Variants in TTLL10 observed in about 807,000 individuals in gnomAD.
The protein encoded by TTLL10 is inactive polyglycylase TTLL10.
A neutral mutation model predicts 69.0 loss-of-function variants in TTLL10; 61 were observed. The observed-to-expected ratio is 0.88, with a 90% confidence interval of 0.72 to 1.09. The LOEUF (loss-of-function observed/expected upper bound fraction) is 1.09. TTLL10 is among the 50% of genes least tolerant of loss of function. TTLL10 has a pLI of 0.00. For synonymous variants in TTLL10, 408 were observed against 393.3 expected (o/e 1.04, Z -0.44); for missense variants, 962 against 945.9 (o/e 1.02, Z -0.22).
rs12066664 is a variant in TTLL10 at position 1,190,886 on chromosome 1, C to T, written c.1402-5714C>T. 3.5e-3 allele frequency among the ~76,000 whole-genome samples: 533 copies of T among 151,950 alleles called. 5 individuals carry two copies. The highest frequency in any genetic ancestry group is 0.012 in the African/African-American group (506 of 41,402). ...TGTCACCTAGGCTGGAGTGTAATGGCGCAATCTCAGCTCACTGCAGCCTCT... is the reference window on the plus strand; with the variant it reads ...TGTCACCTAGGCTGGAGTGTAATGGTGCAATCTCAGCTCACTGCAGCCTCT... On this transcript the variant is annotated intron_variant, in intron 13 of 15. Transcript: ENST00000379289.
In TTLL10 at chr1:1,176,270, C is replaced by T. The variant is rs112848878; in HGVS notation, c.-28+1781C>T. Reference sequence around the variant, plus strand: ...CGCTGTGCAGGTGGAGAGAGGCTGACGCTGTGCAGGTGGAGAGGCTGCTGC... The same window carrying T: ...CGCTGTGCAGGTGGAGAGAGGCTGATGCTGTGCAGGTGGAGAGGCTGCTGC... On this transcript the variant is annotated intron_variant, in intron 3 of 15. Coordinates refer to ENST00000379289, the MANE Select transcript of TTLL10 (RefSeq NM_001130045.2). The T allele has an allele frequency of 6.1e-3, 2,665 of 435,568 alleles. 32 individuals are homozygous for T. Among genetic ancestry groups the T allele is most frequent in the Non-Finnish European group, 9.3e-3 (2,004 of 214,852 alleles). The allele number at this position is 435,568 out of a possible 1,614,324, so 27.0% of individuals were successfully genotyped here.
At chr1:1,180,458 T>TCCCCC in intron 6 of TTLL10, 25 bp from the exon 7 acceptor site, 4 of 942,114 alleles carry the variant, frequency 4.2e-6, no homozygotes, top group African/African-American at 1.9e-5. Flanking sequence ...GGCCCCCAGG[T>TCCCCC]CACCCCCGCC....
rs200208314 is a variant in TTLL10, at chr1:1,180,847, G to A, written c.742G>A (p.Gly248Arg). 2.8e-3 allele frequency: 4,385 copies of A among 1,575,766 alleles called. 18 individuals carry two copies. The highest frequency in any genetic ancestry group is 3.5e-3 in the Non-Finnish European group (4,071 of 1,161,342). The change falls in exon 8 of 16, where the codon GGG becomes AGG. Residue 248 changes from glycine to arginine, a missense_variant. By Grantham distance (125) the Gly-to-Arg change is moderately radical. Coordinates refer to ENST00000379289, the MANE Select transcript of TTLL10 (RefSeq NM_001130045.2). ...AMSKASKVPG[G>R]VQARLEKDAA... ...GAGCAAGGCCAGCAAGGTGCCGGGG[G>A]GGGTCCAGGCCAGGTGAGTCTGCCC...
At chr1:1,196,761 G>A (rs1648242321) in intron 14 of TTLL10, 45 bp downstream of exon 14, 4 of 1,348,974 alleles carry the variant, frequency 3.0e-6, no homozygotes, top group Non-Finnish European at 4.2e-6. Context: ...GATGCAAGGA[G>A]GCAGGGGCCA....
At chr1:1,190,284 C>A (rs536916564) in intron 13 of TTLL10, among the ~76,000 whole-genome samples, 14 of 148,182 alleles carry the variant, frequency 9.4e-5, no homozygotes, top group Non-Finnish European at 1.8e-4. Context: ...TTCTCTAAGT[C>A]CTTATCAATT....
chr1:1,190,928 C>A (rs929536780), intron 13 of TTLL10, among the ~76,000 whole-genome samples: 1 of 150,954 alleles, frequency 6.6e-6, no homozygotes, highest in Non-Finnish European at 1.5e-5. Context: ...CGGGTTCAAG[C>A]GATTCTCCTG....
At chr1:1,179,542 G>C in intron 4 of TTLL10, 115 bp from the exon 5 acceptor site, 1 of 1,495,754 alleles carries the variant, frequency 6.7e-7, no homozygotes, top group South Asian at 1.3e-5. Context: ...CGCGGCCCAG[G>C]GTTCCGCCTG....
chr1:1,181,228 C>G lies in TTLL10; in HGVS notation c.755+368C>G, dbSNP rs1355936375. Among the ~76,000 whole-genome samples the G allele has an allele frequency of 6.6e-6, 1 of 151,912 alleles. No homozygotes were observed. Among genetic ancestry groups the G allele is most frequent in the African/African-American group, 2.4e-5 (1 of 41,338 alleles). On this transcript the variant is annotated intron_variant, in intron 8 of 15. Transcript: ENST00000379289. The surrounding 1 kb of genome is among the most constrained non-coding windows in gnomAD (Gnocchi z 4.6). ...CCCACCCACCTGTCCATCTCACAGA[C>G]CCACCCAGGTACAACCCACCTGTCA...
At chr1:1,175,769 G>A (rs1265858176) in intron 3 of TTLL10, 3 of 419,948 alleles carry the variant, frequency 7.1e-6, no homozygotes, top group Non-Finnish European at 1.4e-5. Flanking sequence ...TGTTGTGCAG[G>A]TGGAGAGGCT....
rs188243847 is a variant in TTLL10, at chr1:1,186,574, C to G, written c.1401+1465C>G. ...TACCCAGGAATGGAGTCGTGGGTCACAGGGTGACACACTTAACTTTCTGAG... is the reference window on the plus strand; with the variant it reads ...TACCCAGGAATGGAGTCGTGGGTCAGAGGGTGACACACTTAACTTTCTGAG... On this transcript the variant is annotated intron_variant, in intron 13 of 15. Coordinates refer to ENST00000379289, the MANE Select transcript of TTLL10 (RefSeq NM_001130045.2). 1.4e-3 allele frequency among the ~76,000 whole-genome samples: 207 copies of G among 152,268 alleles called. 1 individual carries two copies. The highest frequency in any genetic ancestry group is 2.5e-3 in the Admixed American group (38 of 15,296).
intron 6 of TTLL10, 38 bp from the exon 7 acceptor site, chr1:1,180,442 TGCC>T: frequency 1.3e-6 from 2 of 1,507,914 alleles, no homozygotes; most frequent in Admixed American, 2.0e-5. Context: ...CCCAACCCCT[TGCC>T]TCGGCCCCCA....
chr1:1,174,352 A>C (rs1557467009), intron 2 of TTLL10, 31 bp downstream of exon 2: 1 of 152,688 alleles, frequency 6.5e-6, no homozygotes, highest in Non-Finnish European at 1.5e-5. Flanking sequence ...CCACGTGGCC[A>C]AGCTTGGATT....
chr1:1,179,235 G>A lies in TTLL10; in HGVS notation c.20G>A (p.Arg7Gln), dbSNP rs752671231. The A allele has an allele frequency of 3.1e-5, 48 of 1,548,428 alleles. No individual in the cohort carries two copies. Among genetic ancestry groups the A allele is most frequent in the African/African-American group, 5.5e-5 (4 of 73,018 alleles). MDHSCT[R>Q]FIHRRGPPTR... Reference sequence around the variant, plus strand: ...CGGCCAATGGACCACAGCTGCACCCGGTTCATCCACCGCCGGGGACCACCC... The same window carrying A: ...CGGCCAATGGACCACAGCTGCACCCAGTTCATCCACCGCCGGGGACCACCC... The change falls in exon 4 of 16, where the codon CGG (arginine) becomes CAG (glutamine). Residue 7 changes from arginine (R) to glutamine (Q), a missense_variant. Arg to Gln is a conservative substitution (Grantham distance 43). Transcript: ENST00000379289.
rs140929937 is a variant in TTLL10 at position 1,182,950 on chromosome 1, G to A, written c.991G>A (p.Glu331Lys). Residue 331 changes from glutamate to lysine, a missense_variant, in exon 11 of 16, where the codon GAA becomes AAA. Transcript: ENST00000379289. ...KGIFLLRNQEEVAALQAKTRS... is the reference protein window; with the variant it reads ...KGIFLLRNQEKVAALQAKTRS... ...CATCTTCCTGCTCCGGAACCAGGAG[G>A]AAGTTGCCGCCCTGCAGGCCAAGAC... The A allele has an allele frequency of 1.0e-4, 161 of 1,602,442 alleles. No individual in the cohort carries two copies. The highest frequency in any genetic ancestry group is 1.3e-4 in the Non-Finnish European group (148 of 1,175,224).
intron 13 of TTLL10, among the ~76,000 whole-genome samples, chr1:1,192,000 G>A (rs11260553): frequency 0.13 from 20,481 of 152,280 alleles, 2,526 homozygotes; most frequent in East Asian, 0.59. Context: ...ACCTCCCAGC[G>A]TGGGCGTTAG....
chr1:1,180,632 C>A, intron 7 of TTLL10, 31 bp downstream of exon 7: 1 of 1,552,296 alleles, frequency 6.4e-7, no homozygotes, highest in Non-Finnish European at 8.7e-7. Flanking sequence ...AGGCGGGCAG[C>A]CTGCAGGGGC....
At position 1,181,899 on chromosome 1, in the gene TTLL10, C is replaced by T. The variant is rs533083413; in HGVS notation, c.830+84C>T. ...GTCGTCTGAAAAGGAGAAAGCGGGG[C>T]GGGGGTCCCACACAAAGGAAAACCA... On this transcript the variant is annotated intron_variant, in intron 9 of 15. Transcript: ENST00000379289. The surrounding 1 kb of genome is among the most constrained non-coding windows in gnomAD (Gnocchi z 4.6). The T allele has an allele frequency of 1.8e-5, 24 of 1,335,274 alleles. No homozygotes were observed. The highest frequency in any genetic ancestry group is 1.6e-4 in the South Asian group (12 of 76,950). 82.7% of individuals were successfully genotyped at this position (1,335,274 alleles called of 1,614,324 possible).
chr1:1,180,857 C>T lies in TTLL10; in HGVS notation c.752C>T (p.Ala251Val), dbSNP rs1647036835. Residue 251 changes from alanine (A) to valine (V), a missense_variant, in exon 8 of 16, where the codon GCC becomes GTC. Ala to Val is a moderately conservative substitution (Grantham distance 64). Transcript: ENST00000379289. ...AGCAAGGTGCCGGGGGGGGTCCAGG[C>T]CAGGTGAGTCTGCCCCTGCCCCTGC... The part of the protein sequence containing the change: ...KASKVPGGVQ[A>V]RLEKDAAAPA... The T allele has an allele frequency of 1.3e-6, 2 of 1,564,600 alleles. No homozygotes were observed. The highest frequency in any genetic ancestry group is 1.7e-6 in the Non-Finnish European group (2 of 1,155,360).
intron 3 of TTLL10, among the ~76,000 whole-genome samples, chr1:1,178,430 G>A (rs1646938845): frequency 1.3e-5 from 2 of 152,142 alleles, no homozygotes; most frequent in South Asian, 2.1e-4. Flanking sequence ...GCATGGTGGT[G>A]GGTGCCTGTA....
Sources: allele counts gnomAD v4.1 joint callset (sites outside exome capture counted in the v4.1 genomes callset), GRCh38; gene constraint gnomAD v4.1.1; non-coding constraint Gnocchi (gnomAD v3.1); transcripts MANE v1.5; gene names NCBI Gene and HGNC (gene_info 2026-07-23, HGNC 2026-07-21).